The following FUT9 variants were observed in gnomAD, a reference collection of about 807,000 sequenced individuals.
FUT9 encodes fucosyltransferase 9.
FUT9 carries 15 observed loss-of-function variants against 29.7 expected under a neutral mutation model. The ratio of observed to expected loss-of-function variants is 0.51; its 90% confidence interval spans 0.34 to 0.78. The LOEUF (loss-of-function observed/expected upper bound fraction) is 0.78. Ranked by LOEUF, FUT9 falls within the 30% of genes least tolerant of loss-of-function variation. The pLI is 0.01. For synonymous variants in FUT9, 169 were observed against 153.7 expected, an observed-to-expected ratio of 1.10 and a Z score of -0.74; for missense variants, 319 against 425.4, an observed-to-expected ratio of 0.75 and a Z score of 2.20.
At chr6:96,084,711 G>A (rs1412828843) in intron 1 of FUT9, among the ~76,000 whole-genome samples, 1 of 152,030 alleles carries the variant, frequency 6.6e-6, no homozygotes, top group East Asian at 1.9e-4. Context: ...ATTAGAAATA[G>A]AAATTATTTT....
At chr6:96,113,530 C>T (rs1056788724) in intron 1 of FUT9, among the ~76,000 whole-genome samples, 12 of 150,632 alleles carry the variant, frequency 8.0e-5, no homozygotes, top group South Asian at 2.2e-4. Flanking sequence ...TGAGACATTG[C>T]GCCCGACCAT....
At chr6:96,091,571 G>A (rs541826506) in intron 1 of FUT9, among the ~76,000 whole-genome samples, 2 of 152,166 alleles carry the variant, frequency 1.3e-5, no homozygotes, top group South Asian at 4.1e-4. Context: ...GTCAGGTAGA[G>A]GAATGCCCTT....
intron 1 of FUT9, among the ~76,000 whole-genome samples, chr6:96,078,663 G>A (rs922885236): frequency 6.6e-6 from 1 of 151,570 alleles, no homozygotes; most frequent in African/African-American, 2.4e-5. Flanking sequence ...CTCGTGATGA[G>A]CCCGACTCGG....
At chr6:96,082,100 A>C (rs1027066436) in intron 1 of FUT9, among the ~76,000 whole-genome samples, 10 of 151,768 alleles carry the variant, frequency 6.6e-5, no homozygotes, top group African/African-American at 2.2e-4. Flanking sequence ...ACCTTCTTCC[A>C]GTTCAGGTCT....
At chr6:96,113,932 T>G (rs1436874854) in intron 1 of FUT9, 107 bp from the exon 2 acceptor site, 1 of 152,164 alleles carries the variant, frequency 6.6e-6, no homozygotes, top group South Asian at 2.1e-4. Context: ...AGATTTATGT[T>G]TTTAGCATGC....
chr6:96,069,431 G>T (rs879896669), intron 1 of FUT9, among the ~76,000 whole-genome samples: 3 of 151,844 alleles, frequency 2.0e-5, no homozygotes, highest in Non-Finnish European at 4.4e-5. Flanking sequence ...CAAATGAGAA[G>T]ATTGGAAAAA....
intron 2 of FUT9, among the ~76,000 whole-genome samples, chr6:96,158,358 T>C (rs956463995): frequency 1.3e-5 from 2 of 152,102 alleles, no homozygotes; most frequent in Admixed American, 6.5e-5. Context: ...GTAAGTTAAA[T>C]TTTCTATAAT....
intron 2 of FUT9, among the ~76,000 whole-genome samples, chr6:96,185,202 G>T (rs1013335586): frequency 3.3e-5 from 5 of 151,802 alleles, no homozygotes; most frequent in Admixed American, 6.6e-5. Flanking sequence ...TCAAGCCATC[G>T]TGTTTGTTTT....
chr6:96,193,914 GA>G (rs1183957839), intron 2 of FUT9, among the ~76,000 whole-genome samples: 1 of 152,178 alleles, frequency 6.6e-6, no homozygotes, highest in African/African-American at 2.4e-5. Flanking sequence ...GGACATGGAT[GA>G]AGTTGGAAAC....
At chr6:96,193,568 G>A (rs375521015) in intron 2 of FUT9, among the ~76,000 whole-genome samples, 9 of 152,080 alleles carry the variant, frequency 5.9e-5, no homozygotes, top group South Asian at 4.2e-4. Flanking sequence ...TGCTGGCGAG[G>A]ATGTGGAGAA....
chr6:96,026,205 A>T (rs542671444), intron 1 of FUT9, among the ~76,000 whole-genome samples: 66 of 151,852 alleles, frequency 4.3e-4, no homozygotes, highest in African/African-American at 1.5e-3. Flanking sequence ...GTGACAAAAG[A>T]CTTCAATAAG....
At chr6:96,120,507 T>A (rs912450217) in intron 2 of FUT9, among the ~76,000 whole-genome samples, 24 of 150,442 alleles carry the variant, frequency 1.6e-4, no homozygotes, top group Admixed American at 9.3e-4. Context: ...ATGGTCTCGA[T>A]CTCCTGACCT....
intron 1 of FUT9, among the ~76,000 whole-genome samples, chr6:96,103,061 T>C (rs1362220221): frequency 1.3e-5 from 2 of 152,124 alleles, no homozygotes; most frequent in Non-Finnish European, 1.5e-5. Flanking sequence ...AGAAATAGAC[T>C]TTCAGGACTT....
intron 1 of FUT9, among the ~76,000 whole-genome samples, chr6:96,098,725 GTT>G (rs1771541216): frequency 6.6e-6 from 1 of 152,094 alleles, no homozygotes; most frequent in Admixed American, 6.6e-5. Flanking sequence ...AATCAATACT[GTT>G]TGGTAGGAAA....
chr6:96,130,418 T>C (rs1353434525), intron 2 of FUT9, among the ~76,000 whole-genome samples: 1 of 152,178 alleles, frequency 6.6e-6, no homozygotes, highest in African/African-American at 2.4e-5. Flanking sequence ...ACCATCATCT[T>C]GAATGTCTCA....
chr6:96,040,063 A>G (rs992481540), intron 1 of FUT9, among the ~76,000 whole-genome samples: 5 of 152,174 alleles, frequency 3.3e-5, no homozygotes, highest in South Asian at 2.1e-4. Context: ...TAACTAATTT[A>G]TCATACCATG....
intron 2 of FUT9, among the ~76,000 whole-genome samples, chr6:96,133,085 C>T (rs572839224): frequency 1.3e-5 from 2 of 151,914 alleles, no homozygotes; most frequent in Admixed American, 1.3e-4. Context: ...ATCCCTCATC[C>T]CCCTCCCACC....
chr6:96,058,754 C>T (rs987779614), intron 1 of FUT9, among the ~76,000 whole-genome samples: 23 of 152,042 alleles, frequency 1.5e-4, no homozygotes, highest in African/African-American at 5.6e-4. Flanking sequence ...GCAATCTTAC[C>T]TCATGTTGTT....
chr6:96,089,829 C>T (rs998111346), intron 1 of FUT9, among the ~76,000 whole-genome samples: 2 of 152,110 alleles, frequency 1.3e-5, no homozygotes, highest in Non-Finnish European at 2.9e-5. Context: ...ACCCATATGG[C>T]ATTGCATTAT....
Sources: allele counts gnomAD v4.1 joint callset (sites outside exome capture counted in the v4.1 genomes callset), GRCh38; gene constraint gnomAD v4.1.1; transcripts MANE v1.5; gene names NCBI Gene and HGNC (gene_info 2026-07-23, HGNC 2026-07-21).